CACNA2D1: variants seen among roughly 807,000 people sequenced by gnomAD.
CACNA2D1 encodes the protein calcium voltage-gated channel auxiliary subunit alpha2delta 1.
In CACNA2D1, 53 loss-of-function variants were observed where a neutral mutation model predicts 171.5. That is an observed-to-expected ratio of 0.31 (90% CI 0.25 to 0.39). CACNA2D1 has a LOEUF of 0.39. Among genes scored for constraint, CACNA2D1 ranks in the 10% least tolerant of loss-of-function variants. The pLI is 1.00. For missense variants in CACNA2D1, 903 were observed against 1,299.8 expected (o/e 0.69, Z 4.69); for synonymous variants, 442 against 443.1 (o/e 1.00, Z 0.03).
At chr7:82,209,439 A>G (rs918653657) in intron 3 of CACNA2D1, among the ~76,000 whole-genome samples, 2 of 152,198 alleles carry the variant, frequency 1.3e-5, no homozygotes, top group Non-Finnish European at 2.9e-5. Flanking sequence ...GAGAGCCACA[A>G]TAGACCTTGG....
intron 4 of CACNA2D1, among the ~76,000 whole-genome samples, chr7:82,167,785 A>T (rs535496270): frequency 6.6e-6 from 1 of 152,206 alleles, no homozygotes; most frequent in East Asian, 1.9e-4. Flanking sequence ...TTTTGATGTC[A>T]ATCAGTATGT....
chr7:82,247,451 A>G (rs1236335405), intron 3 of CACNA2D1, among the ~76,000 whole-genome samples: 1 of 151,966 alleles, frequency 6.6e-6, no homozygotes, highest in African/African-American at 2.4e-5. Flanking sequence ...TGGGGGCTGC[A>G]GTGAGCTGAC....
intron 1 of CACNA2D1, among the ~76,000 whole-genome samples, chr7:82,413,102 G>A (rs990790191): frequency 1.6e-4 from 24 of 151,908 alleles, no homozygotes; most frequent in African/African-American, 5.3e-4. Context: ...TTTTCATGTC[G>A]AACAGATTTT....
chr7:82,206,954 A>C (rs1256300501), intron 3 of CACNA2D1, among the ~76,000 whole-genome samples: 1 of 152,232 alleles, frequency 6.6e-6, no homozygotes, highest in Non-Finnish European at 1.5e-5. Context: ...AACAAAAACA[A>C]GGAATACATT....
intron 1 of CACNA2D1, among the ~76,000 whole-genome samples, chr7:82,389,873 G>C (rs75720384): frequency 0.012 from 1,763 of 152,258 alleles, 62 homozygotes; most frequent in East Asian, 0.07. Flanking sequence ...ATTCTGACGT[G>C]TTTGTTTAAA....
chr7:82,165,932 T>C (rs1795412388), intron 4 of CACNA2D1, among the ~76,000 whole-genome samples: 1 of 152,052 alleles, frequency 6.6e-6, no homozygotes, highest in Non-Finnish European at 1.5e-5. Flanking sequence ...TGCTACGCTC[T>C]CACTTTTTAT....
At chr7:82,303,150 T>A (rs142130414) in intron 3 of CACNA2D1, among the ~76,000 whole-genome samples, 2 of 152,044 alleles carry the variant, frequency 1.3e-5, no homozygotes, top group Non-Finnish European at 2.9e-5. Context: ...CCCGCCACCA[T>A]GCCCAGCTAA....
At chr7:81,995,556 T>C (rs761605315) in intron 19 of CACNA2D1, among the ~76,000 whole-genome samples, 49 of 152,078 alleles carry the variant, frequency 3.2e-4, no homozygotes, top group Non-Finnish European at 6.3e-4. Flanking sequence ...TCCAGCACTT[T>C]GGGAGGCCGA....
intron 1 of CACNA2D1, among the ~76,000 whole-genome samples, chr7:82,400,608 G>A (rs963447246): frequency 6.6e-6 from 1 of 152,056 alleles, no homozygotes; most frequent in African/African-American, 2.4e-5. Flanking sequence ...AACCCTAGAA[G>A]AAAACCTAGG....
chr7:82,171,598 G>C (rs1796023181), intron 3 of CACNA2D1, among the ~76,000 whole-genome samples: 1 of 152,078 alleles, frequency 6.6e-6, no homozygotes, highest in Non-Finnish European at 1.5e-5. Context: ...AAAGTGCTTA[G>C]AACAGTGCCT....
chr7:82,072,100 A>G (rs1256057553), intron 7 of CACNA2D1, among the ~76,000 whole-genome samples: 1 of 152,146 alleles, frequency 6.6e-6, no homozygotes, highest in African/African-American at 2.4e-5. Context: ...AAGTAATTGA[A>G]TCAGTACCTT....
chr7:82,355,077 C>A (rs1313812864), intron 1 of CACNA2D1, among the ~76,000 whole-genome samples: 1 of 152,022 alleles, frequency 6.6e-6, no homozygotes, highest in African/African-American at 2.4e-5. Context: ...TGCCTGATAA[C>A]TTATGAATAT....
chr7:82,087,362 T>C (rs1810595780), intron 6 of CACNA2D1, among the ~76,000 whole-genome samples: 2 of 152,126 alleles, frequency 1.3e-5, no homozygotes, highest in Non-Finnish European at 2.9e-5. Context: ...TGGATCTACC[T>C]AACAACATGC....
At chr7:81,967,514 A>G in intron 30 of CACNA2D1, 82 bp downstream of exon 30, 1 of 742,590 alleles carries the variant, frequency 1.3e-6, no homozygotes, top group East Asian at 2.7e-5. Flanking sequence ...TGTATTTGCC[A>G]CTGTATAAGG....
chr7:82,217,973 C>T (rs1801347101), intron 3 of CACNA2D1, among the ~76,000 whole-genome samples: 1 of 151,212 alleles, frequency 6.6e-6, no homozygotes, highest in Admixed American at 6.6e-5. Flanking sequence ...CTCGCCCTGT[C>T]GCTCAGGCTG....
chr7:82,418,427 G>T (rs117434142), intron 1 of CACNA2D1, among the ~76,000 whole-genome samples: 79 of 152,134 alleles, frequency 5.2e-4, no homozygotes, highest in Admixed American at 1.4e-3. Flanking sequence ...AACTAAAGAA[G>T]TTAAATATTG....
chr7:82,217,824 C>T (rs1801317582), intron 3 of CACNA2D1, among the ~76,000 whole-genome samples: 2 of 151,138 alleles, frequency 1.3e-5, no homozygotes, highest in African/African-American at 4.9e-5. Flanking sequence ...CATTCTGTCA[C>T]CATCATCATC....
At chr7:82,253,713 A>G (rs1230209613) in intron 3 of CACNA2D1, among the ~76,000 whole-genome samples, 1 of 152,188 alleles carries the variant, frequency 6.6e-6, no homozygotes, top group Non-Finnish European at 1.5e-5. Context: ...ATGATATTAC[A>G]TGATTTTTAC....
At position 82,365,360 on chromosome 7, in the gene CACNA2D1, C is replaced by T. The variant is rs1821562280; in HGVS notation, c.96-15711G>A. Among the ~76,000 whole-genome samples the T allele has an allele frequency of 2.6e-5, 4 of 152,202 alleles. No individual in the cohort carries two copies. The South Asian group carries it at 6.2e-4, about 24-fold the overall frequency. On this transcript the variant is annotated intron_variant, in intron 1 of 38. Transcript: ENST00000356860. ...GACTAAAATGACATAACCTTTAACACATATATGATGAAACATATGATTACT... is the reference window on the plus strand; with the variant it reads ...GACTAAAATGACATAACCTTTAACATATATATGATGAAACATATGATTACT...
Sources: gnomAD v4.1 joint callset for allele counts (sites outside exome capture counted in the v4.1 genomes callset) on GRCh38, gnomAD v4.1.1 for gene constraint, MANE v1.5 for transcripts, NCBI Gene and HGNC (gene_info 2026-07-23, HGNC 2026-07-21) for gene names.